PALD1: variants seen among roughly 807,000 people sequenced by gnomAD.
The protein encoded by PALD1 is phosphatase domain containing paladin 1, also known as paladin.
PALD1 carries 57 observed loss-of-function variants against 96.0 expected under a neutral mutation model. The observed-to-expected ratio is 0.59, with a 90% CI of 0.48 to 0.74. The LOEUF (loss-of-function observed/expected upper bound fraction) is 0.74, where lower values mean the gene tolerates loss of function less well. Among genes scored for constraint, PALD1 ranks in the 30% least tolerant of loss-of-function variants. The pLI, the probability that PALD1 is intolerant of heterozygous loss-of-function variation, is 0.00. For synonymous variants in PALD1, 464 were observed against 473.6 expected (o/e 0.98, Z 0.26); for missense variants, 1,063 against 1,143.7 (o/e 0.93, Z 1.02).
rs757656995 is a variant in PALD1 at position 70,539,088 on chromosome 10, C to T, written c.1570-4C>T. 6 of 1,613,848 alleles carry T rather than the reference C, an allele frequency of 3.7e-6. No homozygotes were observed. Among genetic ancestry groups the T allele is most frequent in the Non-Finnish European group, 3.4e-6 (4 of 1,179,866 alleles). Reference sequence around the variant, plus strand: ...GCACTCACTGCCGGCCCTCCTGTGCCCAGGCCCTGGGGAGCATCCTGGCCT... The same window carrying T: ...GCACTCACTGCCGGCCCTCCTGTGCTCAGGCCCTGGGGAGCATCCTGGCCT... On this transcript the variant is annotated splice_region_variant and splice_polypyrimidine_tract_variant and intron_variant, in intron 13 of 19. Transcript: ENST00000263563. This position sits in a 1 kb window ranked among gnomAD's most constrained non-coding sequence, Gnocchi z 4.5.
At chr10:70,495,871 C>T (rs1431427007) in intron 1 of PALD1, among the ~76,000 whole-genome samples, 9 of 150,846 alleles carry the variant, frequency 6.0e-5, no homozygotes, top group Admixed American at 4.0e-4. Context: ...TAGCCAGCTG[C>T]GGTAGTGTGT....
In PALD1 at chr10:70,539,615, G is replaced by A; in HGVS notation, c.1761G>A (p.Glu587=). ...CCCAGCTGAAGGCCCATCTAAGCGA[G>A]CCTCCCCCAGGCAAGGAGGGCCCCC... is the stretch of plus-strand genomic sequence containing the variant. ...LEAQLKAHLS[E]PPPGKEGPLT... is the part of the protein sequence containing the mutation. The change falls in exon 15 of 20, where the codon GAG becomes GAA. Residue 587 remains glutamate, a synonymous_variant. Coordinates refer to ENST00000263563, the MANE Select transcript of PALD1 (RefSeq NM_014431.3). The surrounding 1 kb of genome is among the most constrained non-coding windows in gnomAD (Gnocchi z 4.5). The A allele has an allele frequency of 6.2e-7, 1 of 1,612,754 alleles. No homozygotes were observed. Among genetic ancestry groups the A allele is most frequent in the Non-Finnish European group, 8.5e-7 (1 of 1,179,402 alleles).
intron 1 of PALD1, among the ~76,000 whole-genome samples, chr10:70,509,511 T>TGG (rs1472861962): frequency 1.3e-5 from 2 of 151,554 alleles, no homozygotes; most frequent in Non-Finnish European, 2.9e-5. Context: ...AGACCCAGAG[T>TGG]GGGGAGGTGA....
At chr10:70,518,720 G>A (rs118015110) in intron 1 of PALD1, among the ~76,000 whole-genome samples, 1 of 152,346 alleles carries the variant, frequency 6.6e-6, no homozygotes, top group Non-Finnish European at 1.5e-5. Flanking sequence ...ACGCCTTGCA[G>A]TCAGAGATTG....
intron 11 of PALD1, 129 bp from the exon 12 acceptor site, chr10:70,538,151 C>A: frequency 2.0e-6 from 2 of 1,005,476 alleles, no homozygotes; most frequent in Non-Finnish European, 2.9e-6. Flanking sequence ...CTTCTCTCAG[C>A]CACTCCCTTG....
At chr10:70,556,015 C>T (rs12769907) in intron 18 of PALD1, among the ~76,000 whole-genome samples, 26,441 of 147,640 alleles carry the variant, frequency 0.18, 2,677 homozygotes, top group Admixed American at 0.3. Flanking sequence ...CAAAACAAAA[C>T]AAAAACCCTG....
In PALD1 at chr10:70,518,668, C is replaced by T. The variant is rs1244436682; in HGVS notation, c.-29-7255C>T. ...GATATTGACTTGTTAAGAGTTGGCA[C>T]CTCTTTTTTGGGTCAGGATTAAATG... On this transcript the variant is annotated intron_variant, in intron 1 of 19. Coordinates refer to ENST00000263563, the MANE Select transcript of PALD1 (RefSeq NM_014431.3). Among the ~76,000 whole-genome samples the T allele has an allele frequency of 3.9e-5, 6 of 152,330 alleles. No homozygotes were observed. In the East Asian group the frequency reaches 7.7e-4, roughly 20 times the overall value.
At chr10:70,555,807 C>T (rs989641894) in intron 18 of PALD1, among the ~76,000 whole-genome samples, 9 of 152,194 alleles carry the variant, frequency 5.9e-5, no homozygotes, top group African/African-American at 2.2e-4. Context: ...CGAGACCATC[C>T]TTGCTAACAC....
intron 1 of PALD1, among the ~76,000 whole-genome samples, chr10:70,511,675 GGC>G (rs1384634670): frequency 1.3e-5 from 2 of 152,190 alleles, no homozygotes; most frequent in African/African-American, 4.8e-5. Flanking sequence ...TATGGCAGAA[GGC>G]AGAAGGGCAG....
At chr10:70,470,987 T>G in the PALD1 span, among the ~76,000 whole-genome samples, 3,424 of 151,954 alleles carry the variant, frequency 0.023, 98 homozygotes, top group African/African-American at 0.068. Flanking sequence ...TTTTTTTTTT[T>G]TGTGGTACTT....
chr10:70,458,585 C>A, the PALD1 span, among the ~76,000 whole-genome samples: 11 of 152,188 alleles, frequency 7.2e-5, no homozygotes, highest in Admixed American at 7.2e-4. Flanking sequence ...TCCCGCCGGG[C>A]GGGTGGCGTT....
At chr10:70,560,302 G>A (rs1053909033) in intron 18 of PALD1, among the ~76,000 whole-genome samples, 3 of 152,130 alleles carry the variant, frequency 2.0e-5, no homozygotes, top group African/African-American at 7.2e-5. Flanking sequence ...GGAGTGGTGG[G>A]CTTGACTGTG....
chr10:70,545,515 G>A (rs528188281), intron 17 of PALD1, among the ~76,000 whole-genome samples: 114 of 152,168 alleles, frequency 7.5e-4, no homozygotes, highest in African/African-American at 2.7e-3. Flanking sequence ...TGGCTGGGAG[G>A]GCCTGTGGGG....
upstream of PALD1, among the ~76,000 whole-genome samples, chr10:70,475,664 T>C (rs1325523691): frequency 6.6e-6 from 1 of 152,198 alleles, no homozygotes; most frequent in Non-Finnish European, 1.5e-5. Context: ...AGCGAGTCAT[T>C]TGTGCCTGTC....
the PALD1 span, among the ~76,000 whole-genome samples, chr10:70,467,411 T>C: frequency 5.1e-5 from 1 of 19,716 alleles, no homozygotes; most frequent in Non-Finnish European, 1.0e-4. Flanking sequence ...GTGGTGGAGG[T>C]GGGGGGTGGG....
chr10:70,507,750 C>CGCGT (rs766888783), intron 1 of PALD1, among the ~76,000 whole-genome samples: 8 of 148,642 alleles, frequency 5.4e-5, no homozygotes, highest in African/African-American at 7.5e-5. Context: ...TTTGTGTGTG[C>CGCGT]GTGTGTGTGT....
chr10:70,514,846 G>A (rs115359823), intron 1 of PALD1, among the ~76,000 whole-genome samples: 1 of 152,140 alleles, frequency 6.6e-6, no homozygotes, highest in South Asian at 2.1e-4. Context: ...TGGGGTGAGG[G>A]TTCTCTGGGT....
chr10:70,481,052 C>A (rs962245230), intron 1 of PALD1, among the ~76,000 whole-genome samples: 2 of 152,230 alleles, frequency 1.3e-5, no homozygotes, highest in South Asian at 4.1e-4. Context: ...ATCTGAATCT[C>A]CCCACATGGG....
At chr10:70,524,079 G>A (rs1011190913) in intron 1 of PALD1, among the ~76,000 whole-genome samples, 2 of 152,208 alleles carry the variant, frequency 1.3e-5, no homozygotes, top group Non-Finnish European at 2.9e-5. Context: ...GAGGGCTGGG[G>A]GGAGTGTGGA....
Sources: gnomAD v4.1 joint callset for allele counts (sites outside exome capture counted in the v4.1 genomes callset) on GRCh38, gnomAD v4.1.1 for gene constraint, Gnocchi (gnomAD v3.1) non-coding constraint, MANE v1.5 for transcripts, NCBI Gene and HGNC (gene_info 2026-07-23, HGNC 2026-07-21) for gene names.